Variants in TGFB2 observed in about 807,000 individuals in gnomAD.
TGFB2 encodes transforming growth factor beta 2.
TGFB2 carries 13 observed loss-of-function variants against 42.7 expected under a neutral mutation model. The observed-to-expected ratio is 0.30, with a 90% CI of 0.20 to 0.48. The LOEUF is 0.48. TGFB2 is among the 20% of genes least tolerant of loss of function. The pLI is 0.99. For synonymous variants in TGFB2, 193 were observed against 193.6 expected (o/e 1.00, Z 0.03); for missense variants, 390 against 517.5 (o/e 0.75, Z 2.39).
At chr1:218,358,673 C>T (rs1203216538) in intron 1 of TGFB2, among the ~76,000 whole-genome samples, 1 of 151,776 alleles carries the variant, frequency 6.6e-6, no homozygotes, top group African/African-American at 2.4e-5. Flanking sequence ...CTCAGCCTCC[C>T]GAGTAGCTGG....
chr1:218,364,243 C>G (rs1224252928), intron 1 of TGFB2, among the ~76,000 whole-genome samples: 2 of 152,202 alleles, frequency 1.3e-5, no homozygotes, highest in African/African-American at 4.8e-5. Flanking sequence ...TGTGAGCTTG[C>G]CACTTGCTCA....
At chr1:218,370,674 C>T (rs754791375) in intron 1 of TGFB2, among the ~76,000 whole-genome samples, 3 of 152,270 alleles carry the variant, frequency 2.0e-5, no homozygotes, top group Admixed American at 2.0e-4. Flanking sequence ...GTTTCTCGCA[C>T]GTTCATATAG....
chr1:218,383,279 G>T (rs1372035333), intron 1 of TGFB2, among the ~76,000 whole-genome samples: 1 of 152,174 alleles, frequency 6.6e-6, no homozygotes, highest in Non-Finnish European at 1.5e-5. Flanking sequence ...GACAGAATCT[G>T]AAACCTCTGT....
intron 1 of TGFB2, among the ~76,000 whole-genome samples, chr1:218,364,658 C>T (rs1657328874): frequency 2.0e-5 from 3 of 151,948 alleles, no homozygotes; most frequent in African/African-American, 7.3e-5. Context: ...CACTGGATAC[C>T]CTATTCTGCA....
rs977996878 is a variant in TGFB2 at position 218,444,412 on chromosome 1, A to G, written c.*3050A>G. 2.0e-5 allele frequency: 3 copies of G among 152,186 alleles called. No homozygotes were observed. Among genetic ancestry groups the G allele is most frequent in the African/African-American group, 7.2e-5 (3 of 41,436 alleles). 9.4% of individuals were successfully genotyped at this position (152,186 alleles called of 1,614,324 possible). On this transcript the variant is annotated 3_prime_UTR_variant, in exon 7 of 7. Transcript: ENST00000366930. ...CTTGGATAGTTGCTGAGCCAGCCAG[A>G]TATAACAAGAGCCACGTGCTTTCTG...
At chr1:218,369,069 A>C (rs1657483945) in intron 1 of TGFB2, among the ~76,000 whole-genome samples, 1 of 151,922 alleles carries the variant, frequency 6.6e-6, no homozygotes, top group South Asian at 2.1e-4. Flanking sequence ...ATCCTGGCCA[A>C]CATGGTGAAA....
At chr1:218,384,729 A>G (rs532200377) in intron 1 of TGFB2, among the ~76,000 whole-genome samples, 2 of 152,324 alleles carry the variant, frequency 1.3e-5, no homozygotes, top group South Asian at 2.1e-4. Flanking sequence ...CTCAGGGGCT[A>G]TGGACAGTCC....
chr1:218,376,501 C>T (rs1243728194), intron 1 of TGFB2, among the ~76,000 whole-genome samples: 1 of 152,162 alleles, frequency 6.6e-6, no homozygotes, highest in East Asian at 1.9e-4. Flanking sequence ...AGGGATGAGT[C>T]CCTCTTGGAA....
chr1:218,401,795 C>A lies in TGFB2; in HGVS notation c.347-3374C>A, dbSNP rs1658730942. 2.0e-5 allele frequency among the ~76,000 whole-genome samples: 3 copies of A among 152,314 alleles called. No individual in the cohort carries two copies. In the South Asian group the frequency reaches 6.2e-4, roughly 32 times the overall value. On this transcript the variant is annotated intron_variant, in intron 1 of 6. Transcript: ENST00000366930. ...CTGCACAAGCCATTAAGCCCCTACCCCGGGCTCCCTCAGTGGAGGGCGGGA... is the reference window on the plus strand; with the variant it reads ...CTGCACAAGCCATTAAGCCCCTACCACGGGCTCCCTCAGTGGAGGGCGGGA...
intron 2 of TGFB2, among the ~76,000 whole-genome samples, chr1:218,407,653 A>G (rs890074207): frequency 6.6e-6 from 1 of 152,184 alleles, no homozygotes; most frequent in Non-Finnish European, 1.5e-5. Context: ...CTGCTATTAT[A>G]TTCTTTTCCA....
intron 1 of TGFB2, among the ~76,000 whole-genome samples, chr1:218,400,229 G>T (rs1356704661): frequency 6.6e-6 from 1 of 151,054 alleles, no homozygotes; most frequent in Non-Finnish European, 1.5e-5. Context: ...AAAAAAAAAA[G>T]AAAAGGAGTA....
chr1:218,405,524 C>G, intron 2 of TGFB2, 192 bp downstream of exon 2: 1 of 962,546 alleles, frequency 1.0e-6, no homozygotes, highest in Non-Finnish European at 1.6e-6. Context: ...ACCATCACAC[C>G]CGATTATCTT....
At chr1:218,430,922 G>A (rs1043403038) in intron 2 of TGFB2, among the ~76,000 whole-genome samples, 1 of 152,168 alleles carries the variant, frequency 6.6e-6, no homozygotes, top group African/African-American at 2.4e-5. Flanking sequence ...AGCACGCTGA[G>A]GGGGACTTAA....
chr1:218,373,630 T>A (rs1320074689), intron 1 of TGFB2, among the ~76,000 whole-genome samples: 1 of 152,124 alleles, frequency 6.6e-6, no homozygotes, highest in Non-Finnish European at 1.5e-5. Flanking sequence ...TAACATCACG[T>A]GTAATTTCCT....
chr1:218,406,446 G>T (rs923287915), intron 2 of TGFB2, among the ~76,000 whole-genome samples: 3 of 152,140 alleles, frequency 2.0e-5, no homozygotes, highest in African/African-American at 7.2e-5. Context: ...CCCCACCCTA[G>T]ACTTTACAGA....
rs535788675 is a variant in TGFB2, at chr1:218,384,763, A to G, written c.347-20406A>G. ...CCATTCACACCCCTAGAGTCTCACC[A>G]GAAAAGGACAGAAGGCAGAATTCAA... On this transcript the variant is annotated intron_variant, in intron 1 of 6. Coordinates refer to ENST00000366930, the MANE Select transcript of TGFB2 (RefSeq NM_003238.6). Among the ~76,000 whole-genome samples the G allele has an allele frequency of 1.8e-4, 27 of 152,358 alleles. No individual in the cohort carries two copies. The South Asian group carries it at 2.9e-3, about 16-fold the overall frequency.
intron 1 of TGFB2, among the ~76,000 whole-genome samples, chr1:218,354,286 T>G (rs184377584): frequency 6.9e-4 from 105 of 152,190 alleles, no homozygotes; most frequent in Middle Eastern, 3.4e-3. Context: ...AGAGATGAAA[T>G]GTTCTGACCT....
At chr1:218,363,395 C>T in intron 1 of TGFB2, 1 of 1,613,912 alleles carries the variant, frequency 6.2e-7, no homozygotes, top group South Asian at 1.1e-5. Context: ...CCAGACAGTC[C>T]CAGGTGCTCT....
intron 1 of TGFB2, among the ~76,000 whole-genome samples, chr1:218,369,642 G>C (rs924386745): frequency 1.1e-4 from 16 of 152,160 alleles, no homozygotes; most frequent in Non-Finnish European, 1.8e-4. Flanking sequence ...ACTGGAGTTC[G>C]TACTCGCGGT....
Sources: gnomAD v4.1 joint callset for allele counts (sites outside exome capture counted in the v4.1 genomes callset) on GRCh38, gnomAD v4.1.1 for gene constraint, MANE v1.5 for transcripts, NCBI Gene and HGNC (gene_info 2026-07-23, HGNC 2026-07-21) for gene names.